The following TRAPPC9 variants were observed in gnomAD, a reference collection of about 807,000 sequenced individuals.
TRAPPC9 encodes trafficking protein particle complex subunit 9, also known as IKK2 binding protein.
In TRAPPC9, 83 loss-of-function variants were observed where a neutral mutation model predicts 124.0. That is an observed-to-expected ratio of 0.67 (90% CI 0.56 to 0.80). The LOEUF (loss-of-function observed/expected upper bound fraction) is 0.80, where lower values mean the gene tolerates loss of function less well. TRAPPC9 is among the 30% of genes least tolerant of loss of function. The pLI is 0.00. For synonymous variants in TRAPPC9, 638 were observed against 617.5 expected, an observed-to-expected ratio of 1.03 and a Z score of -0.49; for missense variants, 1,302 against 1,508.3, an observed-to-expected ratio of 0.86 and a Z score of 2.27.
At chr8:140,040,893 T>C (rs981202662) in intron 17 of TRAPPC9, 4 of 152,078 alleles carry the variant, frequency 2.6e-5, no homozygotes, top group African/African-American at 9.7e-5. Flanking sequence ...GAGATGACCA[T>C]GGAAAGGTGG....
In TRAPPC9 at chr8:139,833,564, T is replaced by G. The variant is rs182839239; in HGVS notation, c.3055+52315A>C. On this transcript the variant is annotated intron_variant, in intron 21 of 22. Transcript: ENST00000438773. The stretch of plus-strand genomic sequence containing the variant: ...TGCCCCGCAGATTAAAGAAGTCATT[T>G]CCTTACTCGAAGCGGAGGCTTGCCC... Among the ~76,000 whole-genome samples, 11 of 152,354 alleles carry G rather than the reference T, an allele frequency of 7.2e-5. No homozygotes were observed. In the East Asian group the frequency reaches 2.1e-3, roughly 29 times the overall value.
At chr8:140,389,848 A>G (rs1215228429) in intron 7 of TRAPPC9, among the ~76,000 whole-genome samples, 1 of 151,920 alleles carries the variant, frequency 6.6e-6, no homozygotes, top group African/African-American at 2.4e-5. Flanking sequence ...TAACCAAAAA[A>G]AAAAAAAAAA....
chr8:139,977,288 C>T (rs1224931211), intron 19 of TRAPPC9, among the ~76,000 whole-genome samples: 7 of 151,748 alleles, frequency 4.6e-5, no homozygotes, highest in Admixed American at 1.3e-4. Flanking sequence ...CAGTATCTGC[C>T]GATGGAGATT....
chr8:139,957,368 C>T (rs1835063904), intron 19 of TRAPPC9, among the ~76,000 whole-genome samples: 1 of 152,208 alleles, frequency 6.6e-6, no homozygotes, highest in African/African-American at 2.4e-5. Flanking sequence ...ACCTGTATCG[C>T]TCTACGTGTA....
At chr8:140,196,516 CA>C (rs1195484040) in intron 17 of TRAPPC9, among the ~76,000 whole-genome samples, 2 of 67,150 alleles carry the variant, frequency 3.0e-5, no homozygotes, top group African/African-American at 1.3e-4. Context: ...CCATACAGAT[CA>C]CACCTGTGAC....
intron 21 of TRAPPC9, among the ~76,000 whole-genome samples, chr8:139,820,646 C>T (rs1218025997): frequency 3.3e-5 from 5 of 152,134 alleles, no homozygotes; most frequent in South Asian, 2.1e-4. Context: ...CTTGCTTTAT[C>T]GGGTATTAAA....
chr8:140,047,201 G>A (rs1355335721), intron 17 of TRAPPC9, among the ~76,000 whole-genome samples: 3 of 152,204 alleles, frequency 2.0e-5, no homozygotes, highest in Admixed American at 6.5e-5. Flanking sequence ...ATGGTCACCC[G>A]CCCGGGCTGT....
intron 7 of TRAPPC9, among the ~76,000 whole-genome samples, chr8:140,376,861 G>A (rs1260799370): frequency 1.5e-5 from 2 of 135,720 alleles, no homozygotes; most frequent in Non-Finnish European, 3.1e-5. Flanking sequence ...CAACAAGAGC[G>A]AGGCTCCATC....
chr8:139,921,688 C>T (rs1406662096), intron 19 of TRAPPC9, among the ~76,000 whole-genome samples: 1 of 149,798 alleles, frequency 6.7e-6, no homozygotes, highest in East Asian at 2.0e-4. Context: ...CTAGTGCATG[C>T]AGGCCAGCCA....
chr8:139,886,027 T>C (rs1829994089), intron 20 of TRAPPC9, 58 bp from the exon 21 acceptor site: 3 of 1,480,492 alleles, frequency 2.0e-6, no homozygotes, highest in South Asian at 2.4e-5. Flanking sequence ...GAAGAACGTC[T>C]AGAAGTCTCT....
At chr8:140,198,543 G>T (rs1369499864) in intron 17 of TRAPPC9, among the ~76,000 whole-genome samples, 1 of 152,110 alleles carries the variant, frequency 6.6e-6, no homozygotes, top group East Asian at 1.9e-4. Context: ...TGACCAATCA[G>T]CACTCCCGGC....
intron 17 of TRAPPC9, among the ~76,000 whole-genome samples, chr8:140,130,056 G>A (rs1046614171): frequency 1.3e-5 from 2 of 152,198 alleles, no homozygotes; most frequent in African/African-American, 2.4e-5. Flanking sequence ...AGAAAGCAAG[G>A]AAGAACTCAA....
At chr8:139,973,121 A>G (rs921064448) in intron 19 of TRAPPC9, among the ~76,000 whole-genome samples, 5 of 152,270 alleles carry the variant, frequency 3.3e-5, no homozygotes, top group African/African-American at 1.2e-4. Context: ...AAGAAAAAGT[A>G]CGTCCCAGTT....
chr8:139,910,249 A>G lies in TRAPPC9; in HGVS notation c.2862T>C (p.Pro954=), dbSNP rs760691774. 6.2e-7 allele frequency: 1 copy of G among 1,614,118 alleles called. No homozygotes were observed. The highest frequency in any genetic ancestry group is 8.5e-7 in the Non-Finnish European group (1 of 1,180,028). ...GGTTTGCAAATTGCCCCTTCTCCCC[A>G]GGGGACTCCGGGAAACTCTCAAAGT... ...KFNFESFPES[P]GEKGQFANPK... is the part of the protein sequence containing the mutation. The change falls in exon 20 of 23, where the codon CCT becomes CCC. Residue 954 remains proline (P), a synonymous_variant. Transcript: ENST00000438773.
At chr8:140,114,723 G>A (rs1164426170) in intron 17 of TRAPPC9, among the ~76,000 whole-genome samples, 1 of 152,208 alleles carries the variant, frequency 6.6e-6, no homozygotes, top group Non-Finnish European at 1.5e-5. Context: ...TGAGGAGGAA[G>A]CATATGGGAG....
intron 20 of TRAPPC9, among the ~76,000 whole-genome samples, chr8:139,902,350 C>T (rs557157407): frequency 1.1e-4 from 17 of 152,320 alleles, no homozygotes; most frequent in Non-Finnish European, 7.3e-5. Flanking sequence ...TCCAGCCCAC[C>T]GAAGGCCAAA....
chr8:139,758,311 T>C (rs757040925), intron 21 of TRAPPC9, among the ~76,000 whole-genome samples: 1 of 152,222 alleles, frequency 6.6e-6, no homozygotes, highest in Admixed American at 6.5e-5. Context: ...ACACTGAGCA[T>C]GCCCACGTCG....
chr8:139,868,448 C>T (rs1231431827), intron 21 of TRAPPC9, among the ~76,000 whole-genome samples: 1 of 152,184 alleles, frequency 6.6e-6, no homozygotes, highest in Non-Finnish European at 1.5e-5. Flanking sequence ...ATATTATTTC[C>T]TTTCTTTCCT....
chr8:140,327,672 G>A (rs914573644), intron 9 of TRAPPC9, among the ~76,000 whole-genome samples: 3 of 152,190 alleles, frequency 2.0e-5, no homozygotes, highest in Non-Finnish European at 2.9e-5. Context: ...AACAAATATT[G>A]TATGACTCCA....
Sources: allele counts gnomAD v4.1 joint callset (sites outside exome capture counted in the v4.1 genomes callset), GRCh38; gene constraint gnomAD v4.1.1; transcripts MANE v1.5; gene names NCBI Gene and HGNC (gene_info 2026-07-23, HGNC 2026-07-21).